The following MPDZ variants were observed in gnomAD, a reference collection of about 807,000 sequenced individuals.
The protein encoded by MPDZ is multiple PDZ domain crumbs cell polarity complex component.
In MPDZ, 234 loss-of-function variants were observed where a neutral mutation model predicts 239.1. The observed-to-expected ratio is 0.98, with a 90% CI of 0.88 to 1.09. The LOEUF (loss-of-function observed/expected upper bound fraction) is 1.09. MPDZ is among the 50% of genes least tolerant of loss of function. The pLI, the probability that MPDZ is intolerant of heterozygous loss-of-function variation, is 0.00. For synonymous variants in MPDZ, 1,048 were observed against 881.3 expected (o/e 1.19, Z -3.35); for missense variants, 3,175 against 2,510.0 (o/e 1.26, Z -5.66).
At chr9:13,219,937 T>C (rs552780041) in intron 7 of MPDZ, among the ~76,000 whole-genome samples, 169 bp from the exon 8 acceptor site, 2 of 152,092 alleles carry the variant, frequency 1.3e-5, no homozygotes, top group African/African-American at 2.4e-5. Context: ...CATCCTAACA[T>C]CATTCAGTGT....
At position 13,243,516 on chromosome 9, in the gene MPDZ, C is replaced by T. The variant is rs548401554; in HGVS notation, c.183+4119G>A. On this transcript the variant is annotated intron_variant, in intron 3 of 46. Coordinates refer to ENST00000319217, the MANE Select transcript of MPDZ (RefSeq NM_001378778.1). ...TCATTCATTATTTAACAAGTCTTGCCATTAGAAGTTGCTTCAAATTCTTTT... is the reference window on the plus strand; with the variant it reads ...TCATTCATTATTTAACAAGTCTTGCTATTAGAAGTTGCTTCAAATTCTTTT... Among the ~76,000 whole-genome samples the T allele has an allele frequency of 1.0e-3, 156 of 152,052 alleles. 2 individuals carry two copies. The highest frequency in any genetic ancestry group is 3.7e-3 in the African/African-American group (152 of 41,480).
At chr9:13,234,817 ATT>A (rs35641617) in intron 3 of MPDZ, among the ~76,000 whole-genome samples, 7 of 151,316 alleles carry the variant, frequency 4.6e-5, no homozygotes, top group Admixed American at 1.3e-4. Flanking sequence ...GAAATGCAGA[ATT>A]TTTTTTTTTA....
chr9:13,222,281 A>C lies in MPDZ; in HGVS notation c.699T>G (p.Val233=). ...GSLPQLVSPI[V]SRSPSAASTI... is the part of the protein sequence containing the mutation. The stretch of plus-strand genomic sequence containing the variant: ...TGCTGGCTGCAGATGGAGAACGGGA[A>C]ACTATGGGGCTGACAAGCTGAGGCA... The change falls in exon 6 of 47, where the codon GTT becomes GTG. Residue 233 remains valine (V), a synonymous_variant. Coordinates refer to ENST00000319217, the MANE Select transcript of MPDZ (RefSeq NM_001378778.1). 6.2e-7 allele frequency: 1 copy of C among 1,612,868 alleles called. No homozygotes were observed. Among genetic ancestry groups the C allele is most frequent in the Non-Finnish European group, 8.5e-7 (1 of 1,179,232 alleles).
At chr9:13,262,360 G>A (rs911757021) in intron 1 of MPDZ, among the ~76,000 whole-genome samples, 1 of 152,024 alleles carries the variant, frequency 6.6e-6, no homozygotes, top group Non-Finnish European at 1.5e-5. Flanking sequence ...TGAAGTGGGA[G>A]GATCACCCGA....
chr9:13,207,292 C>T (rs1957112834), intron 10 of MPDZ, among the ~76,000 whole-genome samples: 1 of 152,180 alleles, frequency 6.6e-6, no homozygotes, highest in Admixed American at 6.5e-5. Context: ...CTCTCTTCTA[C>T]AGAAAACTCC....
chr9:13,226,327 C>T (rs1025669688), intron 3 of MPDZ, among the ~76,000 whole-genome samples: 1 of 152,150 alleles, frequency 6.6e-6, no homozygotes, highest in Non-Finnish European at 1.5e-5. Flanking sequence ...GCAATGCAGT[C>T]AATCCTAATT....
intron 1 of MPDZ, among the ~76,000 whole-genome samples, chr9:13,252,728 G>A (rs140468413): frequency 2.6e-5 from 4 of 152,012 alleles, no homozygotes; most frequent in African/African-American, 7.2e-5. Context: ...TGTGCCTGTC[G>A]TCCCAGCTGC....
chr9:13,124,615 A>G (rs539183423), intron 35 of MPDZ, among the ~76,000 whole-genome samples: 8 of 152,338 alleles, frequency 5.3e-5, no homozygotes, highest in Non-Finnish European at 1.2e-4. Flanking sequence ...ATGACACATT[A>G]AAGTGTCACC....
chr9:13,204,902 T>A, intron 12 of MPDZ, 134 bp downstream of exon 12: 1 of 475,450 alleles, frequency 2.1e-6, no homozygotes, highest in Non-Finnish European at 3.6e-6. Context: ...TAAACAGGGA[T>A]TTACAAACTT....
rs1199607161 is a variant in MPDZ at position 13,125,360 on chromosome 9, T to TC, written c.4662dup (p.Thr1555AspfsTer9). 6.2e-7 allele frequency: 1 copy of TC among 1,613,738 alleles called. No individual in the cohort carries two copies. Among genetic ancestry groups the TC allele is most frequent in the Non-Finnish European group, 8.5e-7 (1 of 1,179,676 alleles). On this transcript the variant is annotated frameshift_variant, in exon 35 of 47. Transcript: ENST00000319217. LOFTEE classifies it high-confidence loss of function. ...TCAGCATGGATGGTAAGTTTTACTGTCATCTTTGCTGTCTTCAGAAGGCTA... is the reference window on the plus strand; with the variant it reads ...TCAGCATGGATGGTAAGTTTTACTGTCCATCTTTGCTGTCTTCAGAAGGCTA...
At chr9:13,262,247 G>T (rs1004382643) in intron 1 of MPDZ, among the ~76,000 whole-genome samples, 1 of 151,820 alleles carries the variant, frequency 6.6e-6, no homozygotes, top group African/African-American at 2.4e-5. Context: ...TGGATCGCTT[G>T]AGCCCAGTAG....
chr9:13,251,810 C>T (rs2138102018), intron 1 of MPDZ, among the ~76,000 whole-genome samples: 1 of 152,280 alleles, frequency 6.6e-6, no homozygotes, highest in African/African-American at 2.4e-5. Context: ...TTTGAAACAT[C>T]AACTCCATTT....
intron 22 of MPDZ, among the ~76,000 whole-genome samples, chr9:13,164,519 C>G (rs1950824813): frequency 6.6e-6 from 1 of 151,982 alleles, no homozygotes; most frequent in Non-Finnish European, 1.5e-5. Context: ...AGGAAAAGGT[C>G]AGGGAAGAAA....
chr9:13,264,130 T>A (rs1168187078), intron 1 of MPDZ, among the ~76,000 whole-genome samples: 1 of 152,204 alleles, frequency 6.6e-6, no homozygotes, highest in African/African-American at 2.4e-5. Context: ...TTTTATTACT[T>A]ACAAGTATTC....
chr9:13,135,963 C>T, intron 31 of MPDZ, 129 bp downstream of exon 31: 2 of 625,384 alleles, frequency 3.2e-6, no homozygotes, highest in Admixed American at 2.9e-5. Flanking sequence ...ATGTACACTC[C>T]TTGAAGGCCA....
intron 6 of MPDZ, among the ~76,000 whole-genome samples, 155 bp from the exon 7 acceptor site, chr9:13,221,655 T>A (rs1959109798): frequency 6.6e-6 from 1 of 152,058 alleles, no homozygotes; most frequent in Admixed American, 6.6e-5. Context: ...TTTGGTATAC[T>A]TCCCTTTCAA....
chr9:13,279,107 G>T (rs991702188), intron 1 of MPDZ: 5 of 152,050 alleles, frequency 3.3e-5, no homozygotes, highest in African/African-American at 1.2e-4. Flanking sequence ...GGGGCTGGGG[G>T]GAGTGGAGAC....
chr9:13,231,706 T>C (rs1367710387), intron 3 of MPDZ, among the ~76,000 whole-genome samples: 1 of 23,152 alleles, frequency 4.3e-5, no homozygotes, highest in Non-Finnish European at 1.1e-4. Flanking sequence ...TTAACATCAA[T>C]TTTTTGTGAC....
intron 42 of MPDZ, among the ~76,000 whole-genome samples, chr9:13,112,535 C>T (rs983212354): frequency 1.3e-5 from 2 of 152,130 alleles, no homozygotes; most frequent in African/African-American, 4.8e-5. Context: ...TCTTCATTTA[C>T]AAAATGGAGA....
Sources: allele counts gnomAD v4.1 joint callset (sites outside exome capture counted in the v4.1 genomes callset), GRCh38; gene constraint gnomAD v4.1.1; transcripts MANE v1.5; gene names NCBI Gene and HGNC (gene_info 2026-07-23, HGNC 2026-07-21).